Variants in CEP63 observed in about 807,000 individuals in gnomAD.
CEP63 encodes the protein centrosomal protein 63.
Under a neutral mutation model 89.1 loss-of-function variants are expected in CEP63, and 84 were observed. That is an observed-to-expected ratio of 0.94 (90% CI 0.79 to 1.13). The LOEUF is 1.13. CEP63 is among the 50% of genes most tolerant of loss of function. The pLI is 0.00. For missense variants in CEP63, 838 were observed against 813.3 expected (o/e 1.03, Z -0.37); for synonymous variants, 267 against 272.5 (o/e 0.98, Z 0.20).
chr3:134,740,760 G>A, the CEP63 span, among the ~76,000 whole-genome samples: 1 of 152,130 alleles, frequency 6.6e-6, no homozygotes, highest in Non-Finnish European at 1.5e-5. Flanking sequence ...CCAAGATTTT[G>A]TCTTCTTTGC....
chr3:134,766,400 C>A, the CEP63 span, among the ~76,000 whole-genome samples: 1 of 152,240 alleles, frequency 6.6e-6, no homozygotes, highest in Non-Finnish European at 1.5e-5. Context: ...CTGCTTTACC[C>A]CTGGCAGTAC....
At chr3:134,570,365 G>A (rs926396822) in intron 11 of CEP63, among the ~76,000 whole-genome samples, 1 of 152,150 alleles carries the variant, frequency 6.6e-6, no homozygotes, top group Non-Finnish European at 1.5e-5. Context: ...GTCACCTGTT[G>A]AATGCTTTGC....
At position 134,537,165 on chromosome 3, in the gene CEP63, A is replaced by G. The variant is rs553384484; in HGVS notation, c.452A>G (p.Gln151Arg). 1 of 1,612,350 alleles carries G rather than the reference A, an allele frequency of 6.2e-7. No homozygotes were observed. Among genetic ancestry groups the G allele is most frequent in the South Asian group, 1.1e-5 (1 of 91,058 alleles). ...TAATTGCCTCCTCAGGAATTCCGTCAGAAATCGCTGGACTGGGAGAAGCAA... is the reference window on the plus strand; with the variant it reads ...TAATTGCCTCCTCAGGAATTCCGTCGGAAATCGCTGGACTGGGAGAAGCAA... ...RLTAKIEEFR[Q>R]KSLDWEKQRL... The change falls in exon 6 of 15, where the codon CAG becomes CGG. Residue 151 changes from glutamine (Q) to arginine (R), a missense_variant. By Grantham distance (43) the Gln-to-Arg change is conservative. Coordinates refer to ENST00000675561, the MANE Select transcript of CEP63 (RefSeq NM_001353108.3).
chr3:134,680,266 CACAT>C, the CEP63 span, among the ~76,000 whole-genome samples: 21 of 152,246 alleles, frequency 1.4e-4, no homozygotes, highest in African/African-American at 5.1e-4. Flanking sequence ...AACTCATACA[CACAT>C]ACATTTTAAA....
chr3:134,607,725 C>T, the CEP63 span: 2 of 985,720 alleles, frequency 2.0e-6, no homozygotes, highest in Non-Finnish European at 2.4e-6. Flanking sequence ...ACTCAGCTGC[C>T]ATGGCTCCGT....
At chr3:134,487,928 C>T (rs764711494) in intron 1 of CEP63, 2 of 152,232 alleles carry the variant, frequency 1.3e-5, no homozygotes, top group African/African-American at 2.4e-5. Flanking sequence ...GGATTAGCCC[C>T]TATTTTTCCT....
At chr3:134,503,931 A>G (rs1407334989) in intron 2 of CEP63, among the ~76,000 whole-genome samples, 1 of 152,100 alleles carries the variant, frequency 6.6e-6, no homozygotes, top group Non-Finnish European at 1.5e-5. Flanking sequence ...TGCTTTTTAT[A>G]GAGATATTCA....
downstream of CEP63, among the ~76,000 whole-genome samples, chr3:134,569,649 G>C (rs1338672558): frequency 6.6e-6 from 1 of 152,144 alleles, no homozygotes; most frequent in African/African-American, 2.4e-5. Flanking sequence ...AGAGACTGTG[G>C]CTTTTCCAGG....
the CEP63 span, among the ~76,000 whole-genome samples, chr3:134,747,418 AACAG>A: frequency 2.6e-5 from 4 of 152,350 alleles, no homozygotes; most frequent in Non-Finnish European, 5.9e-5. Flanking sequence ...CTGATCACTA[AACAG>A]ACAATCTCAA....
chr3:134,695,602 C>G, the CEP63 span, among the ~76,000 whole-genome samples: 1 of 152,152 alleles, frequency 6.6e-6, no homozygotes, highest in African/African-American at 2.4e-5. Context: ...GGCAGAGGCA[C>G]AGCAGTAAGG....
the CEP63 span, among the ~76,000 whole-genome samples, chr3:134,741,379 C>T: frequency 3.9e-5 from 6 of 152,192 alleles, no homozygotes; most frequent in African/African-American, 1.4e-4. Flanking sequence ...TAGCTTCAGT[C>T]ACAGTTGTTA....
the CEP63 span, among the ~76,000 whole-genome samples, chr3:134,592,947 A>G: frequency 6.6e-6 from 1 of 152,066 alleles, no homozygotes; most frequent in Non-Finnish European, 1.5e-5. Context: ...TGTACTGGTG[A>G]TTCCGGGCTC....
At chr3:134,764,449 A>G in the CEP63 span, among the ~76,000 whole-genome samples, 3 of 152,058 alleles carry the variant, frequency 2.0e-5, no homozygotes, top group African/African-American at 7.2e-5. Context: ...GTGGGTTCCC[A>G]TCCTGTCGTA....
intron 11 of CEP63, among the ~76,000 whole-genome samples, chr3:134,572,410 C>T (rs1189127690): frequency 1.3e-5 from 2 of 152,176 alleles, no homozygotes; most frequent in African/African-American, 4.8e-5. Context: ...GCTCCCCTCC[C>T]TTCTTCCTCT....
At chr3:134,600,708 A>T in the CEP63 span, 1 of 152,190 alleles carries the variant, frequency 6.6e-6, no homozygotes, top group South Asian at 2.1e-4. Context: ...TATAGTAATG[A>T]GTGTAGTCAC....
chr3:134,695,698 C>G, the CEP63 span, among the ~76,000 whole-genome samples: 1 of 152,240 alleles, frequency 6.6e-6, no homozygotes, highest in African/African-American at 2.4e-5. Context: ...CTCTCTACTT[C>G]TGTAACTCAC....
intron 1 of CEP63, among the ~76,000 whole-genome samples, chr3:134,489,760 C>A (rs1936987328): frequency 6.6e-6 from 1 of 152,184 alleles, no homozygotes; most frequent in Non-Finnish European, 1.5e-5. Context: ...TTCTTTGCCT[C>A]TATTTTCAGA....
chr3:134,527,362 C>T (rs1020018216), intron 3 of CEP63, among the ~76,000 whole-genome samples: 5 of 152,060 alleles, frequency 3.3e-5, no homozygotes, highest in Non-Finnish European at 5.9e-5. Flanking sequence ...AGGGGAGGAT[C>T]TGTTATTCTC....
In CEP63 at chr3:134,553,653, A is replaced by G. The variant is rs576382382; in HGVS notation, c.1467+1641A>G. The G allele has an allele frequency of 2.6e-5, 4 of 152,350 alleles. No homozygotes were observed. The East Asian group carries it at 7.7e-4, about 29-fold the overall frequency. The allele number at this position is 152,350 out of a possible 1,614,324, so 9.4% of individuals were successfully genotyped here. A position where few individuals can be genotyped will look rare whatever the true frequency, so the allele number is the denominator to read the frequency against. On this transcript the variant is annotated intron_variant, in intron 12 of 14. Coordinates refer to ENST00000675561, the MANE Select transcript of CEP63 (RefSeq NM_001353108.3). ...AAAACTAATATATAGCCAGTGTTAG[A>G]AAGATGTAAGGAAACAGACTTATTG...
Sources: gnomAD v4.1 joint callset for allele counts (sites outside exome capture counted in the v4.1 genomes callset) on GRCh38, gnomAD v4.1.1 for gene constraint, MANE v1.5 for transcripts, NCBI Gene and HGNC (gene_info 2026-07-23, HGNC 2026-07-21) for gene names.